Variants in B3GALT1 observed in about 807,000 individuals in gnomAD.
B3GALT1 encodes beta-1,3-galactosyltransferase 1.
B3GALT1 carries 10 observed loss-of-function variants against 23.2 expected under a neutral mutation model. The ratio of observed to expected loss-of-function variants is 0.43; its 90% confidence interval spans 0.27 to 0.73. The LOEUF (loss-of-function observed/expected upper bound fraction) is 0.73, where lower values mean the gene tolerates loss of function less well. Ranked by LOEUF, B3GALT1 falls within the 30% of genes least tolerant of loss-of-function variation. The pLI is 0.21. For synonymous variants in B3GALT1, 156 were observed against 141.5 expected, an observed-to-expected ratio of 1.10 and a Z score of -0.73; for missense variants, 299 against 405.4, an observed-to-expected ratio of 0.74 and a Z score of 2.25.
intron 1 of B3GALT1, among the ~76,000 whole-genome samples, chr2:167,411,484 T>C (rs931187098): frequency 2.6e-5 from 4 of 151,374 alleles, no homozygotes; most frequent in African/African-American, 7.3e-5. Context: ...CCAATAGGTA[T>C]ATGAAAAAAT....
At chr2:167,792,957 C>T (rs1488375021) in intron 3 of B3GALT1, among the ~76,000 whole-genome samples, 1 of 150,584 alleles carries the variant, frequency 6.6e-6, no homozygotes, top group Non-Finnish European at 1.5e-5. Context: ...TTATGTGGTT[C>T]TGGGAGAATA....
At chr2:167,790,043 T>C (rs1558979855) in intron 3 of B3GALT1, among the ~76,000 whole-genome samples, 1 of 152,116 alleles carries the variant, frequency 6.6e-6, no homozygotes, top group African/African-American at 2.4e-5. Flanking sequence ...AGGAGTTTTG[T>C]TTTGTTTTGT....
chr2:167,579,024 G>A (rs567353993), intron 2 of B3GALT1, among the ~76,000 whole-genome samples: 5 of 152,184 alleles, frequency 3.3e-5, no homozygotes, highest in South Asian at 2.1e-4. Context: ...GTAATAGGGC[G>A]AAGCACTAAA....
chr2:167,559,504 C>T (rs1428231269), intron 2 of B3GALT1, among the ~76,000 whole-genome samples: 1 of 152,164 alleles, frequency 6.6e-6, no homozygotes, highest in African/African-American at 2.4e-5. Context: ...GATCGAACTA[C>T]TCCAAGCTAC....
At chr2:167,397,035 C>G (rs945092456) in intron 1 of B3GALT1, among the ~76,000 whole-genome samples, 1 of 152,086 alleles carries the variant, frequency 6.6e-6, no homozygotes, top group South Asian at 2.1e-4. Context: ...CAAGCAGAAT[C>G]TGCCAAGTCT....
chr2:167,547,960 T>C (rs1683672510), intron 2 of B3GALT1, among the ~76,000 whole-genome samples: 1 of 152,208 alleles, frequency 6.6e-6, no homozygotes, highest in African/African-American at 2.4e-5. Flanking sequence ...TTCATGACTC[T>C]GGGATTCTAA....
chr2:167,545,098 G>A lies in B3GALT1; in HGVS notation c.-410+54821G>A, dbSNP rs1363245676. Among the ~76,000 whole-genome samples the A allele has an allele frequency of 2.4e-4, 30 of 126,256 alleles. No individual in the cohort carries two copies. The Admixed American group carries it at 2.7e-3, about 11-fold the overall frequency. The allele number at this position is 126,256 out of a possible 152,430, so 82.8% of individuals were successfully genotyped here. ...CGCCCAGGCTGGAGTGCAGTGGCAC[G>A]ATCTCTACTCACTGCAAGCTCTGCC... On this transcript the variant is annotated intron_variant, in intron 2 of 4. Transcript: ENST00000392690.
chr2:167,377,130 A>G (rs1697778033), intron 1 of B3GALT1, among the ~76,000 whole-genome samples: 1 of 152,104 alleles, frequency 6.6e-6, no homozygotes, highest in African/African-American at 2.4e-5. Flanking sequence ...TTAAATTTCC[A>G]TGTAATTTTG....
chr2:167,865,366 G>A (rs945404673), intron 4 of B3GALT1, among the ~76,000 whole-genome samples: 3 of 152,098 alleles, frequency 2.0e-5, no homozygotes, highest in South Asian at 2.1e-4. Context: ...TCGCATTGTC[G>A]CACTCCAGCC....
intron 1 of B3GALT1, among the ~76,000 whole-genome samples, chr2:167,451,129 A>G (rs1488804224): frequency 6.6e-6 from 1 of 151,756 alleles, no homozygotes; most frequent in African/African-American, 2.4e-5. Flanking sequence ...CTTGAAGTGG[A>G]CTTCACCTTT....
At chr2:167,597,375 A>G (rs1684798097) in intron 2 of B3GALT1, among the ~76,000 whole-genome samples, 2 of 151,930 alleles carry the variant, frequency 1.3e-5, no homozygotes, top group African/African-American at 2.4e-5. Context: ...TTGGCCTCCC[A>G]AAGTGCTGGG....
chr2:167,823,071 C>T (rs6744278), intron 4 of B3GALT1, among the ~76,000 whole-genome samples: 6,593 of 152,182 alleles, frequency 0.043, 196 homozygotes, highest in African/African-American at 0.074. Context: ...TATGCCTCCT[C>T]TATGCTTTTT....
rs552721989 is a variant in B3GALT1, at chr2:167,668,366, G to A, written c.-352+21400G>A. 5.6e-4 allele frequency among the ~76,000 whole-genome samples: 86 copies of A among 152,308 alleles called. 1 individual carries two copies. The highest frequency in any genetic ancestry group is 1.9e-3 in the African/African-American group (77 of 41,570). ...CTGCTCTCTTCAAAGCTGTCAGACA[G>A]GGACATTTAAGTCTGCAGAGGTTAC... On this transcript the variant is annotated intron_variant, in intron 3 of 4. Transcript: ENST00000392690.
At chr2:167,847,042 A>G (rs1689776559) in intron 4 of B3GALT1, among the ~76,000 whole-genome samples, 1 of 152,260 alleles carries the variant, frequency 6.6e-6, no homozygotes, top group Non-Finnish European at 1.5e-5. Context: ...AGCCTTGTCC[A>G]ACAGCAAAAT....
chr2:167,869,083 G>A lies in B3GALT1; in HGVS notation c.44G>A (p.Cys15Tyr). The A allele has an allele frequency of 6.2e-7, 1 of 1,613,898 alleles. No individual in the cohort carries two copies. The highest frequency in any genetic ancestry group is 8.5e-7 in the Non-Finnish European group (1 of 1,179,906). The change falls in exon 5 of 5, where the codon TGC becomes TAC. Residue 15 changes from cysteine to tyrosine, a missense_variant. Cys to Tyr is a radical substitution (Grantham distance 194). Transcript: ENST00000392690. This position sits in a 1 kb window ranked among gnomAD's most constrained non-coding sequence, Gnocchi z 6.4. ...VSCLYVLTVV[C>Y]WASALWYLSI... ...TGTTTGTATGTTTTGACAGTTGTGT[G>A]CTGGGCCAGCGCTCTCTGGTACTTG...
chr2:167,497,236 A>AG (rs532492709), intron 2 of B3GALT1, among the ~76,000 whole-genome samples: 11 of 151,746 alleles, frequency 7.2e-5, no homozygotes, highest in African/African-American at 2.4e-4. Context: ...AAGGGAAATG[A>AG]GGGGGGATGG....
intron 2 of B3GALT1, among the ~76,000 whole-genome samples, chr2:167,492,935 A>G (rs1473602828): frequency 6.6e-6 from 1 of 151,988 alleles, no homozygotes; most frequent in Non-Finnish European, 1.5e-5. Flanking sequence ...AAGAGGTCAT[A>G]ATAGGCAAAG....
chr2:167,372,058 T>C (rs901956213), intron 1 of B3GALT1, among the ~76,000 whole-genome samples: 3 of 151,924 alleles, frequency 2.0e-5, no homozygotes, highest in African/African-American at 7.2e-5. Context: ...ATTTTCACAA[T>C]GTCTAGATAG....
chr2:167,641,261 A>G (rs1003176212), intron 2 of B3GALT1, among the ~76,000 whole-genome samples: 2 of 152,318 alleles, frequency 1.3e-5, no homozygotes, highest in Non-Finnish European at 1.5e-5. Flanking sequence ...ACATGTCTAT[A>G]CCTGATATCT....
Sources: allele counts gnomAD v4.1 joint callset (sites outside exome capture counted in the v4.1 genomes callset), GRCh38; gene constraint gnomAD v4.1.1; non-coding constraint Gnocchi (gnomAD v3.1); transcripts MANE v1.5; gene names NCBI Gene and HGNC (gene_info 2026-07-23, HGNC 2026-07-21).